RFX2: variants seen among roughly 807,000 people sequenced by gnomAD.
RFX2 encodes the protein DNA-binding protein RFX2.
In RFX2, 20 loss-of-function variants were observed where a neutral mutation model predicts 87.8. The ratio of observed to expected loss-of-function variants is 0.23; its 90% CI spans 0.16 to 0.33. The LOEUF (loss-of-function observed/expected upper bound fraction) is 0.33. Among genes scored for constraint, RFX2 ranks in the 10% least tolerant of loss-of-function variants. The pLI, the probability that RFX2 is intolerant of heterozygous loss-of-function variation, is 1.00. For missense variants in RFX2, 767 were observed against 1,012.3 expected (o/e 0.76, Z 3.29); for synonymous variants, 397 against 431.3 (o/e 0.92, Z 0.98).
chr19:6,029,180 A>G (rs1261647819), intron 5 of RFX2, among the ~76,000 whole-genome samples: 1 of 152,068 alleles, frequency 6.6e-6, no homozygotes, highest in Admixed American at 6.6e-5. Flanking sequence ...TGGGGAGAAC[A>G]GAAGAATCCA....
In RFX2 at chr19:6,026,677, C is replaced by A; in HGVS notation, c.523-440G>T. On this transcript the variant is annotated intron_variant, in intron 5 of 17. Coordinates refer to ENST00000303657, the MANE Select transcript of RFX2 (RefSeq NM_000635.4). This position sits in a 1 kb window ranked among gnomAD's most constrained non-coding sequence, Gnocchi z 4.5. ...AAGGAGAGATGGCAGCCTTGACTCCCCAGCCAGGCTGTCCTGTCGCAAATC... is the reference window on the plus strand; with the variant it reads ...AAGGAGAGATGGCAGCCTTGACTCCACAGCCAGGCTGTCCTGTCGCAAATC... 1 of 190,442 alleles carries A rather than the reference C, an allele frequency of 5.3e-6. No individual in the cohort carries two copies. The highest frequency in any genetic ancestry group is 1.1e-5 in the Non-Finnish European group (1 of 91,428). The allele number at this position is 190,442 out of a possible 1,614,324, so 11.8% of individuals were successfully genotyped here.
At chr19:5,995,149 C>T (rs970769335) in intron 17 of RFX2, among the ~76,000 whole-genome samples, 199 bp from the exon 18 acceptor site, 6 of 152,204 alleles carry the variant, frequency 3.9e-5, no homozygotes, top group South Asian at 2.1e-4. Flanking sequence ...GCCCCCAGCT[C>T]GGGCCAGGCG....
At chr19:6,033,091 G>T (rs1275855315) in intron 5 of RFX2, among the ~76,000 whole-genome samples, 1 of 152,106 alleles carries the variant, frequency 6.6e-6, no homozygotes, top group Non-Finnish European at 1.5e-5. Flanking sequence ...CGCCCAGCAG[G>T]ACCGATTCTT....
At chr19:6,059,245 G>A (rs112617594) in intron 1 of RFX2, among the ~76,000 whole-genome samples, 93 of 152,230 alleles carry the variant, frequency 6.1e-4, no homozygotes, top group African/African-American at 2.2e-3. Flanking sequence ...CTCCCAAAGT[G>A]CTGGGATTAC....
chr19:6,019,427 A>C (rs1206269906), intron 6 of RFX2, among the ~76,000 whole-genome samples: 1 of 151,738 alleles, frequency 6.6e-6, no homozygotes, highest in African/African-American at 2.4e-5. Context: ...GACCCTTAAG[A>C]GCTTAAGAGC....
rs771412167 is a variant in RFX2 at position 6,004,157 on chromosome 19, C to T, written c.1500+44G>A. The T allele has an allele frequency of 4.8e-6, 7 of 1,459,742 alleles. No homozygotes were observed. The highest frequency in any genetic ancestry group is 1.8e-4 in the Middle Eastern group (1 of 5,636). The allele number at this position is 1,459,742 out of a possible 1,614,324, so 90.4% of individuals were successfully genotyped here. A position where few individuals can be genotyped will look rare whatever the true frequency, so the allele number is the denominator to read the frequency against. ...CTCATGCTGTCCTGGACTGGAGCCC[C>T]TCCCAGCCATCGTTGGGGAGCCCAG... On this transcript the variant is annotated intron_variant, in intron 13 of 17. Transcript: ENST00000303657. This position sits in a 1 kb window ranked among gnomAD's most constrained non-coding sequence, Gnocchi z 4.8.
chr19:6,030,655 G>A lies in RFX2; in HGVS notation c.523-4418C>T, dbSNP rs533073106. On this transcript the variant is annotated intron_variant, in intron 5 of 17. Transcript: ENST00000303657. ...TGGGGTTTCCTTTCAGGGTGATGAC[G>A]ATATTCTGGAACTAGATAATGGTGA... is the stretch of plus-strand genomic sequence containing the variant. 6.6e-5 allele frequency among the ~76,000 whole-genome samples: 10 copies of A among 152,226 alleles called. No homozygotes were observed. In the South Asian group the frequency reaches 2.1e-3, roughly 32 times the overall value.
At chr19:6,098,925 T>G (rs1259857202) in intron 1 of RFX2, among the ~76,000 whole-genome samples, 1 of 133,652 alleles carries the variant, frequency 7.5e-6, no homozygotes, top group African/African-American at 2.9e-5. Context: ...TGACCCCAAA[T>G]GTATGCAGCT....
At chr19:6,030,802 T>C (rs951941030) in intron 5 of RFX2, among the ~76,000 whole-genome samples, 1 of 152,210 alleles carries the variant, frequency 6.6e-6, no homozygotes, top group African/African-American at 2.4e-5. Flanking sequence ...AAAAAGTAAT[T>C]TTAGTCTCCC....
At chr19:6,005,970 T>C (rs2086574254) in intron 12 of RFX2, among the ~76,000 whole-genome samples, 1 of 152,174 alleles carries the variant, frequency 6.6e-6, no homozygotes, top group South Asian at 2.1e-4. Context: ...GCACACAGGC[T>C]ACTCCCAGAG....
At position 6,013,349 on chromosome 19, in the gene RFX2, C is replaced by A. The variant is rs1214076908; in HGVS notation, c.780-244G>T. Among the ~76,000 whole-genome samples the A allele has an allele frequency of 6.6e-6, 1 of 151,912 alleles. No homozygotes were observed. The highest frequency in any genetic ancestry group is 1.5e-5 in the Non-Finnish European group (1 of 67,972). ...GACAGGCGTGAGCCATAATGCCTAGCTTATTTTTGTATTTTTAGTGGAGAC... is the reference window on the plus strand; with the variant it reads ...GACAGGCGTGAGCCATAATGCCTAGATTATTTTTGTATTTTTAGTGGAGAC... On this transcript the variant is annotated intron_variant, in intron 7 of 17. Coordinates refer to ENST00000303657, the MANE Select transcript of RFX2 (RefSeq NM_000635.4). This position sits in a 1 kb window ranked among gnomAD's most constrained non-coding sequence, Gnocchi z 4.1.
Position 6,074,201 on chromosome 19 carries a change from TG to T in RFX2, c.-8-26698del, listed in dbSNP as rs1487812246. Among the ~76,000 whole-genome samples the T allele has an allele frequency of 1.3e-5, 2 of 151,148 alleles. No homozygotes were observed. Among genetic ancestry groups the T allele is most frequent in the African/African-American group, 4.9e-5 (2 of 41,040 alleles). ...GAGAGCCGGGGTTTTGTAGCAGGGG[TG>T]GGGGTGCGGTACAGGAACAGATCTG... On this transcript the variant is annotated intron_variant, in intron 1 of 17. Transcript: ENST00000303657. This position sits in a 1 kb window ranked among gnomAD's most constrained non-coding sequence, Gnocchi z 5.2.
At position 6,002,860 on chromosome 19, in the gene RFX2, A is replaced by G. The variant is rs1359114102; in HGVS notation, c.1511T>C (p.Val504Ala). 6.2e-7 allele frequency: 1 copy of G among 1,607,766 alleles called. No homozygotes were observed. The highest frequency in any genetic ancestry group is 8.5e-7 in the Non-Finnish European group (1 of 1,178,560). ...QQVIQTKVGV[V>A]SAFAQTLRRY... ...CCGCAGCGTCTGGGCGAAGGCACTGACGACGCCCACCTGTAAGCCAGGGCT... is the reference window on the plus strand; with the variant it reads ...CCGCAGCGTCTGGGCGAAGGCACTGGCGACGCCCACCTGTAAGCCAGGGCT... Residue 504 changes from valine (V) to alanine (A), a missense_variant, in exon 14 of 18, where the codon GTC becomes GCC. Val to Ala is a moderately conservative substitution (Grantham distance 64, BLOSUM62 0). Coordinates refer to ENST00000303657, the MANE Select transcript of RFX2 (RefSeq NM_000635.4). This position sits in a 1 kb window ranked among gnomAD's most constrained non-coding sequence, Gnocchi z 6.7.
intron 1 of RFX2, among the ~76,000 whole-genome samples, chr19:6,100,938 C>G (rs1188644018): frequency 6.6e-6 from 1 of 151,562 alleles, no homozygotes. Flanking sequence ...CCGCGTCTGT[C>G]ATTTTAAAGG....
chr19:6,066,345 C>T (rs1329958648), intron 1 of RFX2, among the ~76,000 whole-genome samples: 1 of 152,170 alleles, frequency 6.6e-6, no homozygotes, highest in Non-Finnish European at 1.5e-5. Flanking sequence ...CTGTGAATGT[C>T]TCTACATGTG....
chr19:6,093,864 C>T (rs2087981824), intron 1 of RFX2, among the ~76,000 whole-genome samples: 1 of 152,092 alleles, frequency 6.6e-6, no homozygotes, highest in African/African-American at 2.4e-5. Context: ...TATATGATTC[C>T]ATTTTCATGA....
chr19:6,060,934 C>T (rs1281553512), intron 1 of RFX2, among the ~76,000 whole-genome samples: 1 of 152,122 alleles, frequency 6.6e-6, no homozygotes, highest in African/African-American at 2.4e-5. Flanking sequence ...CTCCAGCTGC[C>T]TCCCAGACCT....
At chr19:6,037,190 A>C (rs1176179191) in intron 5 of RFX2, among the ~76,000 whole-genome samples, 1 of 151,884 alleles carries the variant, frequency 6.6e-6, no homozygotes, top group Non-Finnish European at 1.5e-5. Context: ...AGGCTGAGGC[A>C]GGAGAATGAT....
Position 6,007,301 on chromosome 19 carries a change from C to A in RFX2, c.1248-135G>T, listed in dbSNP as rs1003221743. The A allele has an allele frequency of 6.0e-6, 5 of 837,100 alleles. No individual in the cohort carries two copies. Among genetic ancestry groups the A allele is most frequent in the Non-Finnish European group, 9.2e-6 (5 of 542,718 alleles). 51.9% of individuals were successfully genotyped at this position (837,100 alleles called of 1,614,324 possible). A position where few individuals can be genotyped will look rare whatever the true frequency, so the allele number is the denominator to read the frequency against. Reference sequence around the variant, plus strand: ...TGGGGTTTTGCTCCCCATCCCTGAGCCTCGATGGGTCCCCTCCCTCCATGT... The same window carrying A: ...TGGGGTTTTGCTCCCCATCCCTGAGACTCGATGGGTCCCCTCCCTCCATGT... On this transcript the variant is annotated intron_variant, in intron 11 of 17. Transcript: ENST00000303657. This position sits in a 1 kb window ranked among gnomAD's most constrained non-coding sequence, Gnocchi z 8.2.
Sources: gnomAD v4.1 joint callset for allele counts (sites outside exome capture counted in the v4.1 genomes callset) on GRCh38, gnomAD v4.1.1 for gene constraint, Gnocchi (gnomAD v3.1) non-coding constraint, MANE v1.5 for transcripts, NCBI Gene and HGNC (gene_info 2026-07-23, HGNC 2026-07-21) for gene names.